The following NPY1R variants were observed in gnomAD, a reference collection of about 807,000 sequenced individuals.
NPY1R encodes neuropeptide Y receptor Y1.
A neutral mutation model predicts 24.1 loss-of-function variants in NPY1R; 10 were observed. The observed-to-expected ratio is 0.42, with a 90% CI of 0.26 to 0.71. The LOEUF is 0.71. Ranked by LOEUF, NPY1R falls within the 30% of genes least tolerant of loss-of-function variation. NPY1R has a pLI of 0.28. For synonymous variants in NPY1R, 168 were observed against 165.9 expected (o/e 1.01, Z -0.10); for missense variants, 350 against 458.0 (o/e 0.76, Z 2.15).
At chr4:163,341,234 T>C (rs1734973991) in intron 1 of NPY1R, among the ~76,000 whole-genome samples, 1 of 152,110 alleles carries the variant, frequency 6.6e-6, no homozygotes, top group Non-Finnish European at 1.5e-5. Flanking sequence ...ATATTTTTGA[T>C]AACACATCTT....
rs114037213 is a variant in NPY1R at position 163,327,909 on chromosome 4, G to A, written c.-151-1204C>T. On this transcript the variant is annotated intron_variant, in intron 1 of 2. Transcript: ENST00000296533. ...TGTTAATTAACAGGCCATCATGCTT[G>A]TATTAAGAAACTGAATTTCATTCTT... is the stretch of plus-strand genomic sequence containing the variant. Among the ~76,000 whole-genome samples the A allele has an allele frequency of 4.4e-3, 677 of 152,200 alleles. 5 individuals carry two copies. Among genetic ancestry groups the A allele is most frequent in the African/African-American group, 0.016 (653 of 41,572 alleles).
intron 1 of NPY1R, among the ~76,000 whole-genome samples, chr4:163,331,957 C>T (rs1472217902): frequency 1.3e-5 from 2 of 152,212 alleles, no homozygotes; most frequent in South Asian, 2.1e-4. Flanking sequence ...CTACTCCCAC[C>T]TCCGCCAGCT....
At position 163,326,493 on chromosome 4, in the gene NPY1R, T is replaced by G. The variant is rs764474040; in HGVS notation, c.62A>C (p.Lys21Thr). Reference sequence around the variant, plus strand: ...TTCAAAAGCCAGAAGCTGGGCATTCTTCTCTGAGAAATTAGAGTGGACTGA... The same window carrying G: ...TTCAAAAGCCAGAAGCTGGGCATTCGTCTCTGAGAAATTAGAGTGGACTGA... ...NHSVHSNFSEKNAQLLAFEND... is the reference protein window; with the variant it reads ...NHSVHSNFSETNAQLLAFEND... The change falls in exon 2 of 3, where the codon AAG (lysine) becomes ACG (threonine). Residue 21 changes from lysine (K) to threonine (T), a missense_variant. By Grantham distance (78) the Lys-to-Thr change is moderately conservative. Coordinates refer to ENST00000296533, the MANE Select transcript of NPY1R (RefSeq NM_000909.6). The G allele has an allele frequency of 6.2e-7, 1 of 1,612,638 alleles. No individual in the cohort carries two copies. Among genetic ancestry groups the G allele is most frequent in the African/African-American group, 1.3e-5 (1 of 74,856 alleles).
upstream of NPY1R, among the ~76,000 whole-genome samples, chr4:163,334,303 C>T (rs1734791997): frequency 1.3e-5 from 2 of 152,156 alleles, no homozygotes; most frequent in Admixed American, 1.3e-4. Context: ...ATATTTTGGA[C>T]TTGAGAATAT....
upstream of NPY1R, among the ~76,000 whole-genome samples, chr4:163,337,915 CT>C (rs1447258158): frequency 6.6e-6 from 1 of 152,178 alleles, no homozygotes; most frequent in East Asian, 1.9e-4. Context: ...CCACCTGAAA[CT>C]GTTTCTGCCC....
chr4:163,342,827 C>G (rs1260179190), intron 1 of NPY1R, among the ~76,000 whole-genome samples: 1 of 152,160 alleles, frequency 6.6e-6, no homozygotes, highest in Non-Finnish European at 1.5e-5. Context: ...CTCTACTCAG[C>G]AGGAGATGCT....
chr4:163,327,307 ATACT>A (rs1220243839), intron 1 of NPY1R, among the ~76,000 whole-genome samples: 1 of 152,210 alleles, frequency 6.6e-6, no homozygotes, highest in African/African-American at 2.4e-5. Flanking sequence ...AATCCGGAAA[ATACT>A]TAGTAGGAAT....
rs1166273471 is a variant in NPY1R at position 163,324,754 on chromosome 4, A to C, written c.*549T>G. On this transcript the variant is annotated 3_prime_UTR_variant, in exon 3 of 3. Transcript: ENST00000296533. ...TCCCTTAAGGTGAAAAAAAAAAAAA[A>C]CAAACAAAAACCACCAAAAAACAGA... 9 of 144,978 alleles carry C rather than the reference A, an allele frequency of 6.2e-5. No individual in the cohort carries two copies. Among genetic ancestry groups the C allele is most frequent in the East Asian group, 2.0e-4 (1 of 4,956 alleles). 9.0% of individuals were successfully genotyped at this position (144,978 alleles called of 1,614,324 possible). A position where few individuals can be genotyped will look rare whatever the true frequency, so the allele number is the denominator to read the frequency against.
upstream of NPY1R, among the ~76,000 whole-genome samples, chr4:163,336,398 T>A (rs927135684): frequency 6.6e-6 from 1 of 152,210 alleles, no homozygotes; most frequent in East Asian, 1.9e-4. Context: ...TTACTGTTTT[T>A]AATAATTATT....
At chr4:163,328,785 C>A (rs1734664876) in intron 1 of NPY1R, among the ~76,000 whole-genome samples, 1 of 152,170 alleles carries the variant, frequency 6.6e-6, no homozygotes, top group Non-Finnish European at 1.5e-5. Flanking sequence ...CTCTCTCTCC[C>A]ACCACCAATC....
At chr4:163,343,493 C>T (rs900290648) in intron 1 of NPY1R, among the ~76,000 whole-genome samples, 5 of 151,824 alleles carry the variant, frequency 3.3e-5, no homozygotes, top group Non-Finnish European at 7.4e-5. Flanking sequence ...CACACCACCC[C>T]CCACCGTCCC....
chr4:163,335,018 A>C (rs1310353742), upstream of NPY1R, among the ~76,000 whole-genome samples: 2 of 152,202 alleles, frequency 1.3e-5, no homozygotes, highest in Non-Finnish European at 2.9e-5. Flanking sequence ...ATGTAATCTT[A>C]TAGAAGATTT....
chr4:163,332,308 G>A (rs1372941697), intron 1 of NPY1R, among the ~76,000 whole-genome samples, 174 bp downstream of exon 1: 1 of 152,112 alleles, frequency 6.6e-6, no homozygotes, highest in Non-Finnish European at 1.5e-5. Flanking sequence ...GCAGGAGCCC[G>A]CGAACGGTCC....
Position 163,325,647 on chromosome 4 carries a change from C to T in NPY1R, c.811G>A (p.Ala271Thr). 6.2e-7 allele frequency: 1 copy of T among 1,609,654 alleles called. No homozygotes were observed. Among genetic ancestry groups the T allele is most frequent in the African/African-American group, 1.3e-5 (1 of 75,026 alleles). The change falls in exon 3 of 3, where the codon GCA becomes ACA. Residue 271 changes from alanine to threonine, a missense_variant. By Grantham distance (58) the Ala-to-Thr change is moderately conservative. Transcript: ENST00000296533. ...AGAGGGAGCCAGCAGACTGCAAATG[C>T]TACCACAATGGAGAGCAGCATGATA... ...INIMLLSIVVAFAVCWLPLTI... is the reference protein window; with the variant it reads ...INIMLLSIVVTFAVCWLPLTI...
rs747975589 is a variant in NPY1R, at chr4:163,325,660, G to C, written c.798C>G (p.Leu266=). Residue 266 remains leucine, a synonymous_variant, in exon 3 of 3, where the codon CTC becomes CTG. Coordinates refer to ENST00000296533, the MANE Select transcript of NPY1R (RefSeq NM_000909.6). The part of the protein sequence containing the change: ...SETKRINIML[L]SIVVAFAVCW... ...AGACTGCAAATGCTACCACAATGGA[G>C]AGCAGCATGATATTGATTCTTTTGG... is the stretch of plus-strand genomic sequence containing the variant. 1.6e-5 allele frequency: 25 copies of C among 1,606,428 alleles called. 1 individual carries two copies. Among genetic ancestry groups the C allele is most frequent in the Admixed American group, 1.2e-4 (7 of 59,990 alleles).
intron 1 of NPY1R, among the ~76,000 whole-genome samples, chr4:163,339,497 T>C (rs1734925023): frequency 6.9e-6 from 1 of 145,424 alleles, no homozygotes; most frequent in African/African-American, 2.6e-5. Context: ...TGACAGTGAC[T>C]GTTTTTTTTT....
upstream of NPY1R, among the ~76,000 whole-genome samples, chr4:163,333,973 A>G (rs1734786880): frequency 6.6e-6 from 1 of 152,130 alleles, no homozygotes; most frequent in South Asian, 2.1e-4. Context: ...GAGTAAAATG[A>G]CAACAGATTC....
In NPY1R at chr4:163,341,321, A is replaced by G. The variant is rs561962066; in HGVS notation, c.-152+2984T>C. On this transcript the variant is annotated intron_variant, in intron 1 of 1. Transcript: ENST00000511901. Reference sequence around the variant, plus strand: ...CATTTACCCTTAAGGAATACAACGAAATTCTCAGAGAAATAAATGCATAAA... The same window carrying G: ...CATTTACCCTTAAGGAATACAACGAGATTCTCAGAGAAATAAATGCATAAA... Among the ~76,000 whole-genome samples the G allele has an allele frequency of 9.9e-5, 15 of 152,258 alleles. No homozygotes were observed. In the South Asian group the frequency reaches 3.1e-3, roughly 32 times the overall value.
chr4:163,332,272 C>T (rs1209989224), intron 1 of NPY1R, among the ~76,000 whole-genome samples: 2 of 152,154 alleles, frequency 1.3e-5, no homozygotes, highest in Non-Finnish European at 2.9e-5. Flanking sequence ...CCTCTCCTTT[C>T]ACCCGCGTCG....
Sources: gnomAD v4.1 joint callset for allele counts (sites outside exome capture counted in the v4.1 genomes callset) on GRCh38, gnomAD v4.1.1 for gene constraint, MANE v1.5 for transcripts, NCBI Gene and HGNC (gene_info 2026-07-23, HGNC 2026-07-21) for gene names.